HNRNPLL: variants seen among roughly 807,000 people sequenced by gnomAD.
The protein encoded by HNRNPLL is heterogeneous nuclear ribonucleoprotein L-like.
Under a neutral mutation model 67.1 loss-of-function variants are expected in HNRNPLL, and 25 were observed. The observed-to-expected ratio is 0.37, with a 90% CI of 0.27 to 0.52. The LOEUF is 0.52. Among genes scored for constraint, HNRNPLL ranks in the 20% least tolerant of loss-of-function variants. The pLI is 0.90. For synonymous variants in HNRNPLL, 267 were observed against 241.7 expected (o/e 1.10, Z -0.97); for missense variants, 542 against 673.9 (o/e 0.80, Z 2.17).
At chr2:38,580,276 T>C (rs1163701790) in intron 6 of HNRNPLL, among the ~76,000 whole-genome samples, 1 of 152,152 alleles carries the variant, frequency 6.6e-6, no homozygotes. Flanking sequence ...AATACTGACA[T>C]CAACTGTACC....
At chr2:38,570,075 T>C (rs1244006128) in intron 8 of HNRNPLL, 150 bp from the exon 9 acceptor site, 1 of 593,162 alleles carries the variant, frequency 1.7e-6, no homozygotes, top group Non-Finnish European at 3.0e-6. Flanking sequence ...GAGATACCCT[T>C]AACTCTTATC....
At position 38,585,714 on chromosome 2, in the gene HNRNPLL, G is replaced by A. The variant is rs773133460; in HGVS notation, c.476C>T (p.Thr159Ile). Residue 159 changes from threonine (T) to isoleucine (I), a missense_variant, in exon 3 of 13, where the codon ACT becomes ATT. This residue lies in a region of HNRNPLL where 415 missense variants were observed against 575.2 expected (regional missense o/e 0.72). Transcript: ENST00000449105. ...TSKRITRPGN[T>I]DDPSGGNKVL... Reference sequence around the variant, plus strand: ...TTTGTTGCCTCCTGATGGATCATCAGTATTTCCTGGCCGAGTGATCCTTTT... The same window carrying A: ...TTTGTTGCCTCCTGATGGATCATCAATATTTCCTGGCCGAGTGATCCTTTT... 2 of 1,613,826 alleles carry A rather than the reference G, an allele frequency of 1.2e-6. No homozygotes were observed. The highest frequency in any genetic ancestry group is 4.5e-5 in the East Asian group (2 of 44,886).
chr2:38,588,861 TA>T (rs1250390312), intron 2 of HNRNPLL, among the ~76,000 whole-genome samples: 2 of 151,910 alleles, frequency 1.3e-5, no homozygotes, highest in Non-Finnish European at 2.9e-5. Flanking sequence ...AGAAAAAAGG[TA>T]TTAATACGAG....
intron 6 of HNRNPLL, among the ~76,000 whole-genome samples, chr2:38,579,037 T>C (rs17022941): frequency 0.03 from 4,512 of 152,220 alleles, 232 homozygotes; most frequent in African/African-American, 0.1. Flanking sequence ...TGCTTAAGCA[T>C]ACGCCATCAA....
chr2:38,582,610 A>G (rs914074035), intron 4 of HNRNPLL, among the ~76,000 whole-genome samples: 1 of 150,372 alleles, frequency 6.7e-6, no homozygotes, highest in Admixed American at 6.6e-5. Context: ...GCGCCTGGCC[A>G]GGAGAATTTA....
At chr2:38,588,513 C>T (rs1573748039) in intron 2 of HNRNPLL, among the ~76,000 whole-genome samples, 2 of 126,822 alleles carry the variant, frequency 1.6e-5, no homozygotes, top group African/African-American at 3.2e-5. Flanking sequence ...CGCGCCACTG[C>T]ACCAGCTTGG....
intron 8 of HNRNPLL, among the ~76,000 whole-genome samples, 184 bp from the exon 9 acceptor site, chr2:38,570,109 CA>C (rs548682002): frequency 3.3e-5 from 5 of 152,288 alleles, no homozygotes; most frequent in Admixed American, 3.3e-4. Flanking sequence ...TAAAAAGGAA[CA>C]CTATTGTATA....
At chr2:38,581,832 C>A in intron 6 of HNRNPLL, 81 bp downstream of exon 6, 1 of 879,512 alleles carries the variant, frequency 1.1e-6, no homozygotes, top group Admixed American at 1.9e-5. Context: ...TTAACTAGCT[C>A]ATCTCAGGAA....
At position 38,599,182 on chromosome 2, in the gene HNRNPLL, T is replaced by C. The variant is rs568178293; in HGVS notation, c.189+3256A>G. Among the ~76,000 whole-genome samples the C allele has an allele frequency of 3.9e-5, 6 of 152,386 alleles. No individual in the cohort carries two copies. In the South Asian group the frequency reaches 1.2e-3, roughly 32 times the overall value. On this transcript the variant is annotated intron_variant, in intron 1 of 12. Coordinates refer to ENST00000449105, the MANE Select transcript of HNRNPLL (RefSeq NM_138394.4). ...TTGGAAATCCTAGGAGCAACAATTTTATCTTGGCATTTTGCCATCTTTCAC... is the reference window on the plus strand; with the variant it reads ...TTGGAAATCCTAGGAGCAACAATTTCATCTTGGCATTTTGCCATCTTTCAC...
chr2:38,569,310 A>C lies in HNRNPLL; in HGVS notation c.1239T>G (p.Val413=), dbSNP rs532825336. The C allele has an allele frequency of 4.3e-5, 70 of 1,612,394 alleles. 1 individual carries two copies. In the South Asian group the frequency reaches 7.0e-4, roughly 16 times the overall value. Reference sequence around the variant, plus strand: ...CCTCCAGCTCAAATATTTGACTTGGAACAACTGAATGTTGTTTAGACACGC... The same window carrying C: ...CCTCCAGCTCAAATATTTGACTTGGCACAACTGAATGTTGTTTAGACACGC... ...NVCVSKQHSV[V]PSQIFELEDG... is the part of the protein sequence containing the mutation. The change falls in exon 10 of 13, where the codon GTT becomes GTG. Residue 413 remains valine (V), a synonymous_variant. Coordinates refer to ENST00000449105, the MANE Select transcript of HNRNPLL (RefSeq NM_138394.4).
chr2:38,602,694 G>A lies in HNRNPLL; in HGVS notation c.-68C>T. ...CGGTGGGGCGCGCGCCTCGGATGCC[G>A]CCGGCCAGTCCTCGCCGCCGGCAGC... is the stretch of plus-strand genomic sequence containing the variant. On this transcript the variant is annotated 5_prime_UTR_variant, in exon 1 of 13. Coordinates refer to ENST00000449105, the MANE Select transcript of HNRNPLL (RefSeq NM_138394.4). The A allele has an allele frequency of 1.4e-6, 2 of 1,430,986 alleles. No homozygotes were observed. The highest frequency in any genetic ancestry group is 1.5e-5 in the South Asian group (1 of 67,360). 88.6% of individuals were successfully genotyped at this position (1,430,986 alleles called of 1,614,324 possible).
chr2:38,568,216 T>C lies in HNRNPLL; in HGVS notation c.1556A>G (p.Tyr519Cys), dbSNP rs1487079226. The part of the protein sequence containing the change: ...AVEALTALNH[Y>C]QIRVPNGSNP... ...TTACTTACTCGGCACTCTTATCTGA[T>C]AGTGATTCAGTGCCGTAAGGGCTTC... is the stretch of plus-strand genomic sequence containing the variant. The change falls in exon 12 of 13, where the codon TAT becomes TGT. Residue 519 changes from tyrosine (Y) to cysteine (C), a missense_variant. This residue lies in a region of HNRNPLL where 415 missense variants were observed against 575.2 expected (regional missense o/e 0.72). Transcript: ENST00000449105. The C allele has an allele frequency of 6.2e-7, 1 of 1,610,128 alleles. No individual in the cohort carries two copies.
chr2:38,571,002 GC>G (rs1003189247), intron 8 of HNRNPLL, among the ~76,000 whole-genome samples: 1 of 152,082 alleles, frequency 6.6e-6, no homozygotes, highest in Admixed American at 6.6e-5. Context: ...CTATGACGGT[GC>G]CACTGTATTC....
chr2:38,588,520 T>C (rs1422128409), intron 2 of HNRNPLL, among the ~76,000 whole-genome samples: 1 of 129,460 alleles, frequency 7.7e-6, no homozygotes, highest in African/African-American at 3.4e-5. Flanking sequence ...CTGCACCAGC[T>C]TGGGTGACAG....
At chr2:38,571,609 G>C (rs888275537) in intron 8 of HNRNPLL, among the ~76,000 whole-genome samples, 1 of 151,988 alleles carries the variant, frequency 6.6e-6, no homozygotes, top group African/African-American at 2.4e-5. Context: ...TCTTCTCATG[G>C]ACAAAATTCC....
chr2:38,597,882 T>C (rs1667269077), intron 1 of HNRNPLL, among the ~76,000 whole-genome samples: 1 of 151,918 alleles, frequency 6.6e-6, no homozygotes, highest in Non-Finnish European at 1.5e-5. Context: ...AGAGACGAGG[T>C]TTCACCATCT....
rs768129536 is a variant in HNRNPLL, at chr2:38,577,449, T to C, written c.874+12A>G. The C allele has an allele frequency of 4.2e-5, 65 of 1,553,136 alleles. No individual in the cohort carries two copies. Among genetic ancestry groups the C allele is most frequent in the Non-Finnish European group, 5.5e-5 (62 of 1,124,768 alleles). ...TCATCTATACTACCTTCTTTCTACC[T>C]TGACAACTTACCATAGCCATCATGT... On this transcript the variant is annotated intron_variant, in intron 7 of 12. Transcript: ENST00000449105.
intron 8 of HNRNPLL, 49 bp from the exon 9 acceptor site, chr2:38,569,974 G>A: frequency 7.1e-7 from 1 of 1,408,108 alleles, no homozygotes; most frequent in Non-Finnish European, 9.8e-7. Context: ...CCCTTTTACA[G>A]TAAAAGAAAT....
intron 1 of HNRNPLL, among the ~76,000 whole-genome samples, chr2:38,597,358 G>C (rs925656271): frequency 6.6e-6 from 1 of 152,094 alleles, no homozygotes; most frequent in Non-Finnish European, 1.5e-5. Flanking sequence ...AAGCTTTCTG[G>C]ATACATTAAA....
Sources: allele counts gnomAD v4.1 joint callset (sites outside exome capture counted in the v4.1 genomes callset), GRCh38; gene constraint gnomAD v4.1.1; regional missense constraint gnomAD v4.1.1; transcripts MANE v1.5; gene names NCBI Gene and HGNC (gene_info 2026-07-23, HGNC 2026-07-21).